ALPK1: variants seen among roughly 807,000 people sequenced by gnomAD.
ALPK1 encodes alpha kinase 1, also known as alpha-protein kinase 1.
A neutral mutation model predicts 120.6 loss-of-function variants in ALPK1; 110 were observed. The observed-to-expected ratio is 0.91, with a 90% CI of 0.78 to 1.07. ALPK1 has a LOEUF of 1.07. ALPK1 is among the 50% of genes least tolerant of loss of function. The probability of loss-of-function intolerance (pLI) is 0.00; values close to 1 mark genes in which losing one functional copy is unlikely to be tolerated. For synonymous variants in ALPK1, 582 were observed against 560.3 expected (o/e 1.04, Z -0.55); for missense variants, 1,498 against 1,483.9 (o/e 1.01, Z -0.16).
chr4:112,370,179 A>G (rs1325877456), intron 2 of ALPK1, among the ~76,000 whole-genome samples: 1 of 152,246 alleles, frequency 6.6e-6, no homozygotes, highest in African/African-American at 2.4e-5. Flanking sequence ...TGATTTGTCA[A>G]TTATCCCATA....
intron 3 of ALPK1, among the ~76,000 whole-genome samples, chr4:112,380,394 A>T (rs1320132391): frequency 3.9e-5 from 6 of 152,136 alleles, no homozygotes; most frequent in Admixed American, 1.3e-4. Flanking sequence ...GTAGTCCTGG[A>T]CTGCTCAATG....
At chr4:112,411,438 T>C (rs1326324065) in intron 4 of ALPK1, among the ~76,000 whole-genome samples, 2 of 152,024 alleles carry the variant, frequency 1.3e-5, no homozygotes, top group African/African-American at 4.8e-5. Context: ...TTGGCCAGGC[T>C]GGTCTCAAAA....
chr4:112,432,013 C>G lies in ALPK1; in HGVS notation c.2466C>G (p.Thr822=). ...NISMLPCSSF[T]PNWPVQNPDS... ...CCATGCTGCCATGTAGCTCCTTCAC[C>G]CCTAATTGGCCTGTTCAAAATCCTG... Residue 822 remains threonine, a synonymous_variant, in exon 11 of 16, where the codon ACC becomes ACG. Transcript: ENST00000650871. The G allele has an allele frequency of 6.2e-7, 1 of 1,614,016 alleles. No homozygotes were observed. The highest frequency in any genetic ancestry group is 8.5e-7 in the Non-Finnish European group (1 of 1,179,934).
chr4:112,311,822 T>C (rs1291572817), intron 1 of ALPK1, among the ~76,000 whole-genome samples: 2 of 152,208 alleles, frequency 1.3e-5, no homozygotes, highest in African/African-American at 4.8e-5. Context: ...TAGTTGTTTG[T>C]GTTAAGTAGG....
At chr4:112,415,819 C>G (rs1349907037) in intron 5 of ALPK1, among the ~76,000 whole-genome samples, 1 of 152,142 alleles carries the variant, frequency 6.6e-6, no homozygotes, top group Non-Finnish European at 1.5e-5. Flanking sequence ...GTGAGATAAG[C>G]TTTTGGCATT....
intron 4 of ALPK1, among the ~76,000 whole-genome samples, chr4:112,385,537 C>T (rs557549988): frequency 6.6e-6 from 1 of 152,262 alleles, no homozygotes; most frequent in African/African-American, 2.4e-5. Context: ...ACCGCACCTC[C>T]TAATGACTTT....
At chr4:112,342,323 C>G (rs1729898197) in intron 2 of ALPK1, among the ~76,000 whole-genome samples, 1 of 152,108 alleles carries the variant, frequency 6.6e-6, no homozygotes, top group African/African-American at 2.4e-5. Flanking sequence ...CATGTAATAA[C>G]CAATTTAGGA....
At chr4:112,399,213 G>A (rs1281817707) in intron 4 of ALPK1, among the ~76,000 whole-genome samples, 2 of 152,172 alleles carry the variant, frequency 1.3e-5, no homozygotes, top group Non-Finnish European at 2.9e-5. Context: ...GGCCTTCCTT[G>A]TTCAGAGTTT....
At chr4:112,375,826 T>C (rs1365159206) in intron 2 of ALPK1, among the ~76,000 whole-genome samples, 1 of 152,100 alleles carries the variant, frequency 6.6e-6, no homozygotes, top group Non-Finnish European at 1.5e-5. Flanking sequence ...ACTTTCAACA[T>C]GCCTTTCTCT....
chr4:112,399,814 G>T (rs1012344462), intron 4 of ALPK1, among the ~76,000 whole-genome samples: 1 of 152,044 alleles, frequency 6.6e-6, no homozygotes. Flanking sequence ...TGTTCTCATT[G>T]TTCAACTCCC....
At chr4:112,440,325 A>G (rs371215532) in intron 14 of ALPK1, among the ~76,000 whole-genome samples, 1 of 152,120 alleles carries the variant, frequency 6.6e-6, no homozygotes, top group Admixed American at 6.6e-5. Context: ...TATGTACTTA[A>G]ATATGACTAC....
intron 2 of ALPK1, among the ~76,000 whole-genome samples, chr4:112,324,080 C>A (rs893340554): frequency 1.3e-5 from 2 of 152,100 alleles, no homozygotes; most frequent in Non-Finnish European, 2.9e-5. Flanking sequence ...GTAATCCCAG[C>A]ACTTTGGGAG....
rs1289056400 is a variant in ALPK1 at position 112,438,534 on chromosome 4, C to T, written c.3239C>T (p.Thr1080Ile). 2.5e-6 allele frequency: 4 copies of T among 1,613,796 alleles called. No homozygotes were observed. The highest frequency in any genetic ancestry group is 3.4e-6 in the Non-Finnish European group (4 of 1,179,752). The change falls in exon 13 of 16, where the codon ACT becomes ATT. Residue 1080 changes from threonine (T) to isoleucine (I), a missense_variant. Coordinates refer to ENST00000650871, the MANE Select transcript of ALPK1 (RefSeq NM_025144.4). Reference protein sequence around the residue: ...KEQKGLWHHFTDVERQMTAQH... With the variant: ...KEQKGLWHHFIDVERQMTAQH... The stretch of plus-strand genomic sequence containing the variant: ...CAGAAGGGGCTCTGGCACCACTTCA[C>T]TGATGTGGAGCGACAGATGACCGCA...
chr4:112,302,792 C>G (rs1727848908), intron 1 of ALPK1, among the ~76,000 whole-genome samples: 1 of 152,096 alleles, frequency 6.6e-6, no homozygotes, highest in Non-Finnish European at 1.5e-5. Context: ...TGGTCTACTT[C>G]CCTTTCTCTC....
chr4:112,382,820 T>A, intron 4 of ALPK1: 1 of 381,310 alleles, frequency 2.6e-6, no homozygotes, highest in Non-Finnish European at 4.8e-6. Flanking sequence ...TATTTACATA[T>A]CCTTGGTGGG....
chr4:112,389,468 A>G (rs763753897), intron 4 of ALPK1, among the ~76,000 whole-genome samples: 2 of 152,268 alleles, frequency 1.3e-5, no homozygotes, highest in African/African-American at 2.4e-5. Context: ...TCTGAAAATG[A>G]AAGTTTGTCT....
chr4:112,298,093 A>G (rs1727623233), intron 1 of ALPK1, among the ~76,000 whole-genome samples: 1 of 152,194 alleles, frequency 6.6e-6, no homozygotes, highest in Admixed American at 6.5e-5. Flanking sequence ...AAAAAATTCT[A>G]GTGTTTGAAA....
chr4:112,349,815 G>A (rs1458694207), intron 2 of ALPK1, among the ~76,000 whole-genome samples: 1 of 151,946 alleles, frequency 6.6e-6, no homozygotes, highest in Non-Finnish European at 1.5e-5. Flanking sequence ...GCCTCCCAAA[G>A]TGCTGGGATT....
At chr4:112,340,366 A>T (rs1256096329) in intron 2 of ALPK1, among the ~76,000 whole-genome samples, 1 of 152,248 alleles carries the variant, frequency 6.6e-6, no homozygotes, top group Non-Finnish European at 1.5e-5. Flanking sequence ...TACATCAGAA[A>T]AAAGTAAAAA....
Sources: allele counts gnomAD v4.1 joint callset (sites outside exome capture counted in the v4.1 genomes callset), GRCh38; gene constraint gnomAD v4.1.1; transcripts MANE v1.5; gene names NCBI Gene and HGNC (gene_info 2026-07-23, HGNC 2026-07-21).